Variants in PSG5 observed in about 807,000 individuals in gnomAD.
The protein encoded by PSG5 is pregnancy-specific beta-1-glycoprotein 5.
Under a neutral mutation model 37.7 loss-of-function variants are expected in PSG5, and 53 were observed. The ratio of observed to expected loss-of-function variants is 1.41; its 90% CI spans 1.13 to 1.77. PSG5 has a LOEUF of 1.77. PSG5 is among the 40% of genes most tolerant of loss of function. The pLI is 0.00. For missense variants in PSG5, 547 were observed against 405.2 expected, an observed-to-expected ratio of 1.35 and a Z score of -3.00; for synonymous variants, 221 against 155.4, an observed-to-expected ratio of 1.42 and a Z score of -3.14.
At position 43,186,421 on chromosome 19, in the gene PSG5, G is replaced by C. The variant is rs755853083; in HGVS notation, c.-16C>G. On this transcript the variant is annotated 5_prime_UTR_variant, in exon 1 of 6. Coordinates refer to ENST00000342951, the MANE Select transcript of PSG5 (RefSeq NM_002781.4). Reference sequence around the variant, plus strand: ...GGGGCCCCATGGTCTCTGCGCCTGCGTGTTCTCCTCTGTGGAGCTGAGCCT... The same window carrying C: ...GGGGCCCCATGGTCTCTGCGCCTGCCTGTTCTCCTCTGTGGAGCTGAGCCT... 1 of 1,611,756 alleles carries C rather than the reference G, an allele frequency of 6.2e-7. No individual in the cohort carries two copies. The highest frequency in any genetic ancestry group is 8.5e-7 in the Non-Finnish European group (1 of 1,178,712).
chr19:43,178,088 GT>G (rs1007316490), intron 2 of PSG5, among the ~76,000 whole-genome samples: 3 of 151,582 alleles, frequency 2.0e-5, no homozygotes, highest in Admixed American at 2.0e-4. Flanking sequence ...AAAGCTGGTG[GT>G]TTTGGAGCAG....
chr19:43,179,699 C>T (rs1468879972), intron 2 of PSG5, among the ~76,000 whole-genome samples: 2 of 151,694 alleles, frequency 1.3e-5, no homozygotes, highest in Admixed American at 6.6e-5. Flanking sequence ...CAGAGTCAAG[C>T]CTGGAGGTCA....
intron 2 of PSG5, among the ~76,000 whole-genome samples, chr19:43,182,284 T>C (rs1351711093): frequency 6.6e-6 from 1 of 151,730 alleles, no homozygotes; most frequent in Admixed American, 6.6e-5. Flanking sequence ...TTTCTATAAT[T>C]CCTGACTGCT....
intron 4 of PSG5, chr19:43,174,784 C>T (rs1187919762): frequency 1.0e-5 from 12 of 1,177,464 alleles, no homozygotes; most frequent in Non-Finnish European, 1.3e-5. Flanking sequence ...AAGGGGCTTC[C>T]TCGTCTCATT....
intron 4 of PSG5, among the ~76,000 whole-genome samples, chr19:43,173,859 C>T (rs1968951563): frequency 6.6e-6 from 1 of 151,514 alleles, no homozygotes; most frequent in South Asian, 2.1e-4. Flanking sequence ...AGCAATTCCA[C>T]TTCTGGACAA....
In PSG5 at chr19:43,175,048, G is replaced by A. The variant is rs575522249; in HGVS notation, c.964+167C>T. 1.3e-4 allele frequency: 197 copies of A among 1,533,700 alleles called. 5 individuals are homozygous for A. In the African/African-American group the frequency reaches 1.9e-3, roughly 15 times the overall value. On this transcript the variant is annotated intron_variant, in intron 4 of 5. Coordinates refer to ENST00000342951, the MANE Select transcript of PSG5 (RefSeq NM_002781.4). ...CCATGAGAAAACAGAAAAACAAGGA[G>A]AAGAGAGTTTGTAGAGACAAATTGG... is the stretch of plus-strand genomic sequence containing the variant.
chr19:43,169,170 A>G (rs1396471035), intron 5 of PSG5, among the ~76,000 whole-genome samples: 2 of 151,552 alleles, frequency 1.3e-5, no homozygotes, highest in African/African-American at 4.9e-5. Flanking sequence ...CTATTTTGGT[A>G]TCATGATTAT....
intron 1 of PSG5, 134 bp from the exon 2 acceptor site, chr19:43,185,281 C>A (rs62115031): frequency 1.9e-5 from 23 of 1,227,636 alleles, no homozygotes; most frequent in Middle Eastern, 2.2e-4. Flanking sequence ...CACACACACA[C>A]AAAAGGTGCA....
Position 43,185,193 on chromosome 19 carries a change from G to T in PSG5, c.65-46C>A, listed in dbSNP as rs1280092471. On this transcript the variant is annotated intron_variant, in intron 1 of 5. Coordinates refer to ENST00000342951, the MANE Select transcript of PSG5 (RefSeq NM_002781.4). Reference sequence around the variant, plus strand: ...CAGTCAATATTGAGACCTGTGTATTGGGGTGAAAAGATGGAGCCCTGGGTC... The same window carrying T: ...CAGTCAATATTGAGACCTGTGTATTTGGGTGAAAAGATGGAGCCCTGGGTC... 1.9e-6 allele frequency: 3 copies of T among 1,541,464 alleles called. No homozygotes were observed. In the Admixed American group the frequency reaches 5.9e-5, roughly 30 times the overall value.
chr19:43,186,022 G>A lies in PSG5; in HGVS notation c.64+320C>T, dbSNP rs762504921. Among the ~76,000 whole-genome samples, 3 of 150,648 alleles carry A rather than the reference G, an allele frequency of 2.0e-5. 1 individual carries two copies. The highest frequency in any genetic ancestry group is 4.4e-5 in the Non-Finnish European group (3 of 67,720). ...GACAGAGTCTCGTACTGTCACCCAG[G>A]CTGGCGTGCAGTGGTGCTATCTCGG... On this transcript the variant is annotated intron_variant, in intron 1 of 5. Coordinates refer to ENST00000342951, the MANE Select transcript of PSG5 (RefSeq NM_002781.4).
intron 2 of PSG5, chr19:43,179,072 C>T (rs202062235): frequency 3.3e-5 from 53 of 1,612,002 alleles, no homozygotes; most frequent in African/African-American, 1.9e-4. Flanking sequence ...TGTCTGAAGC[C>T]GCAGGATCAC....
chr19:43,175,006 G>C, intron 4 of PSG5: 4 of 1,449,770 alleles, frequency 2.8e-6, no homozygotes, highest in Non-Finnish European at 3.7e-6. Flanking sequence ...ACTTTCTTAG[G>C]CCAGACACAA....
intron 1 of PSG5, 139 bp from the exon 2 acceptor site, chr19:43,185,286 G>T: frequency 8.1e-7 from 1 of 1,227,392 alleles, no homozygotes; most frequent in Non-Finnish European, 1.1e-6. Context: ...ACACACAAAA[G>T]GTGCATGTTA....
Position 43,178,441 on chromosome 19 carries a change from G to C in PSG5, c.431-2293C>G, listed in dbSNP as rs566805830. 2.0e-5 allele frequency among the ~76,000 whole-genome samples: 3 copies of C among 151,844 alleles called. No individual in the cohort carries two copies. In the East Asian group the frequency reaches 5.8e-4, roughly 29 times the overall value. ...TGGGGACTTCCCCTGTATGGTAATA[G>C]GTGTATGAGGAAGAAATGGTGGGGG... On this transcript the variant is annotated intron_variant, in intron 2 of 5. Coordinates refer to ENST00000342951, the MANE Select transcript of PSG5 (RefSeq NM_002781.4).
chr19:43,170,492 T>C (rs1968883125), intron 4 of PSG5: 2 of 452,230 alleles, frequency 4.4e-6, no homozygotes, highest in South Asian at 1.8e-5. Context: ...GTGGCAGCCA[T>C]GAATGAGACT....
rs765560837 is a variant in PSG5, at chr19:43,185,119, A to G, written c.93T>C (p.Pro31=). 10 of 1,609,492 alleles carry G rather than the reference A, an allele frequency of 6.2e-6. No homozygotes were observed. The East Asian group carries it at 1.6e-4, about 25-fold the overall frequency. Reference sequence around the variant, plus strand: ...CTTCAATCGTGACTTGAGCAGTGATAGGCAGGTTCCAGAAGTTTAAAAGTG... The same window carrying G: ...CTTCAATCGTGACTTGAGCAGTGATGGGCAGGTTCCAGAAGTTTAAAAGTG... ...TASLLNFWNL[P]ITAQVTIEAL... Residue 31 remains proline, a synonymous_variant, in exon 2 of 6, where the codon CCT becomes CCC. Coordinates refer to ENST00000342951, the MANE Select transcript of PSG5 (RefSeq NM_002781.4).
Position 43,172,187 on chromosome 19 carries a change from A to T in PSG5, c.965-2049T>A, listed in dbSNP as rs1336979022. Among the ~76,000 whole-genome samples, 3 of 151,678 alleles carry T rather than the reference A, an allele frequency of 2.0e-5. No individual in the cohort carries two copies. In the South Asian group the frequency reaches 6.2e-4, roughly 31 times the overall value. The stretch of plus-strand genomic sequence containing the variant: ...AAGATTGAATCAATAAAAGCATTTG[A>T]TGAAATTCAATATTTTTTCATAATG... On this transcript the variant is annotated intron_variant, in intron 4 of 5. Transcript: ENST00000342951.
chr19:43,170,641 G>A (rs768447796), intron 4 of PSG5: 14 of 254,882 alleles, frequency 5.5e-5, no homozygotes, highest in Non-Finnish European at 9.2e-5. Context: ...AGTTCTCTGA[G>A]GCTCTCTTTA....
intron 2 of PSG5, among the ~76,000 whole-genome samples, chr19:43,178,670 T>C (rs1227568996): frequency 6.6e-6 from 1 of 151,544 alleles, no homozygotes; most frequent in African/African-American, 2.4e-5. Context: ...GGAACCTGAG[T>C]CTCCCATGAC....
Sources: allele counts gnomAD v4.1 joint callset (sites outside exome capture counted in the v4.1 genomes callset), GRCh38; gene constraint gnomAD v4.1.1; transcripts MANE v1.5; gene names NCBI Gene and HGNC (gene_info 2026-07-23, HGNC 2026-07-21).